Variants in RARS2 observed in about 807,000 individuals in gnomAD.
RARS2 encodes the protein arginyl-tRNA synthetase 2, mitochondrial.
RARS2 carries 67 observed loss-of-function variants against 88.5 expected under a neutral mutation model. The ratio of observed to expected loss-of-function variants is 0.76; its 90% CI spans 0.62 to 0.93. The LOEUF is 0.93. Ranked by LOEUF, RARS2 falls within the 40% of genes least tolerant of loss-of-function variation. The pLI, the probability that RARS2 is intolerant of heterozygous loss-of-function variation, is 0.00. For synonymous variants in RARS2, 239 were observed against 230.3 expected (o/e 1.04, Z -0.34); for missense variants, 664 against 684.2 (o/e 0.97, Z 0.33).
At chr6:87,585,212 T>C (rs1026043411) in intron 1 of RARS2, among the ~76,000 whole-genome samples, 9 of 152,216 alleles carry the variant, frequency 5.9e-5, no homozygotes, top group African/African-American at 2.2e-4. Context: ...TACTCAGGTA[T>C]TCATTCTTCA....
intron 8 of RARS2, 115 bp downstream of exon 8, chr6:87,541,803 A>C (rs1373582147): frequency 3.3e-5 from 26 of 782,428 alleles, no homozygotes; most frequent in Non-Finnish European, 5.0e-5. Context: ...CAGCCTGGGC[A>C]ACAGAGCGAG....
intron 10 of RARS2, among the ~76,000 whole-genome samples, chr6:87,525,226 G>A (rs772364509): frequency 2.0e-5 from 3 of 152,166 alleles, no homozygotes; most frequent in African/African-American, 4.8e-5. Flanking sequence ...TGTCTCTTAA[G>A]CAATTGGTTT....
intron 1 of RARS2, among the ~76,000 whole-genome samples, chr6:87,575,440 T>C (rs1024081439): frequency 9.2e-5 from 14 of 152,164 alleles, no homozygotes; most frequent in African/African-American, 3.4e-4. Flanking sequence ...GGAGGCTTAA[T>C]TTCCATGGTA....
At chr6:87,516,413 A>AT (rs1771757358) in intron 18 of RARS2, among the ~76,000 whole-genome samples, 1 of 152,154 alleles carries the variant, frequency 6.6e-6, no homozygotes, top group Admixed American at 6.5e-5. Context: ...TTTAAAATGT[A>AT]TTATTACGTT....
intron 5 of RARS2, among the ~76,000 whole-genome samples, chr6:87,552,913 G>A (rs989616489): frequency 5.3e-5 from 8 of 152,146 alleles, no homozygotes; most frequent in Non-Finnish European, 1.2e-4. Context: ...AATTGAAAGG[G>A]GTTTAAGAGT....
At chr6:87,563,477 A>G (rs1788493549) in intron 3 of RARS2, among the ~76,000 whole-genome samples, 1 of 152,162 alleles carries the variant, frequency 6.6e-6, no homozygotes. Flanking sequence ...CCTTTAAATA[A>G]GCATCTTTTT....
At chr6:87,553,409 A>C (rs192344210) in intron 5 of RARS2, among the ~76,000 whole-genome samples, 15 of 152,304 alleles carry the variant, frequency 9.8e-5, no homozygotes, top group African/African-American at 3.6e-4. Context: ...TAAAACACTA[A>C]TCAGAAGCTG....
intron 2 of RARS2, among the ~76,000 whole-genome samples, chr6:87,567,119 G>A (rs1768164698): frequency 6.6e-6 from 1 of 152,210 alleles, no homozygotes; most frequent in African/African-American, 2.4e-5. Context: ...GGGCATGGTG[G>A]TGTGTGCCTG....
intron 1 of RARS2, among the ~76,000 whole-genome samples, chr6:87,585,610 TA>T (rs1206159974): frequency 6.6e-6 from 1 of 152,054 alleles, no homozygotes; most frequent in Non-Finnish European, 1.5e-5. Context: ...CGGGCACCTG[TA>T]GTCCCAGCTA....
chr6:87,549,090 C>T (rs1783546529), intron 5 of RARS2, among the ~76,000 whole-genome samples: 1 of 152,034 alleles, frequency 6.6e-6, no homozygotes. Flanking sequence ...TGTGGTGGCT[C>T]ACTCCTGTAA....
chr6:87,535,925 T>C (rs1779018317), intron 8 of RARS2, among the ~76,000 whole-genome samples: 1 of 152,042 alleles, frequency 6.6e-6, no homozygotes, highest in Non-Finnish European at 1.5e-5. Context: ...GCTCAGGCAA[T>C]CCACCTGCCT....
chr6:87,576,097 G>GATAGACATTA lies in RARS2; in HGVS notation c.37-6508_37-6507insTAATGTCTAT, dbSNP rs1431779941. 1.7e-3 allele frequency among the ~76,000 whole-genome samples: 209 copies of GATAGACATTA among 120,570 alleles called. 2 individuals carry two copies. Among genetic ancestry groups the GATAGACATTA allele is most frequent in the Admixed American group, 2.1e-3 (22 of 10,662 alleles). The allele number at this position is 120,570 out of a possible 152,430, so 79.1% of individuals were successfully genotyped here. A position where few individuals can be genotyped will look rare whatever the true frequency, so the allele number is the denominator to read the frequency against. The stretch of plus-strand genomic sequence containing the variant: ...TTACAGGCGTGAGCCAATGCGCCCA[G>GATAGACATTA]CTGGATAAGTCTTCTTTAAAAATTG... On this transcript the variant is annotated intron_variant, in intron 1 of 19. Transcript: ENST00000369536.
chr6:87,566,716 C>A (rs1434118891), intron 2 of RARS2, among the ~76,000 whole-genome samples: 1 of 151,718 alleles, frequency 6.6e-6, no homozygotes, highest in East Asian at 1.9e-4. Flanking sequence ...TGTGGTGGCC[C>A]ATGCTTCTGG....
At chr6:87,547,862 A>C (rs1478575079) in intron 6 of RARS2, among the ~76,000 whole-genome samples, 1 of 151,914 alleles carries the variant, frequency 6.6e-6, no homozygotes, top group Admixed American at 6.6e-5. Flanking sequence ...CTGGTCGCGA[A>C]CTCCTGACCT....
intron 1 of RARS2, among the ~76,000 whole-genome samples, chr6:87,571,783 C>T (rs1392792082): frequency 1.3e-5 from 2 of 152,192 alleles, no homozygotes; most frequent in Non-Finnish European, 2.9e-5. Flanking sequence ...AACATATTAA[C>T]CGTAAAAACT....
intron 2 of RARS2, among the ~76,000 whole-genome samples, chr6:87,568,477 G>C (rs751749375): frequency 2.6e-4 from 40 of 152,342 alleles, no homozygotes; most frequent in Non-Finnish European, 5.3e-4. Context: ...TCCAGCTTGG[G>C]TGACAGAATG....
intron 11 of RARS2, among the ~76,000 whole-genome samples, chr6:87,522,961 T>C (rs1453818901): frequency 6.6e-6 from 1 of 152,200 alleles, no homozygotes; most frequent in African/African-American, 2.4e-5. Context: ...ATACAATATA[T>C]ACAGAGATAC....
At chr6:87,586,588 T>C (rs552563926) in intron 1 of RARS2, among the ~76,000 whole-genome samples, 3 of 152,338 alleles carry the variant, frequency 2.0e-5, no homozygotes, top group South Asian at 2.1e-4. Context: ...TCTGAGGCCA[T>C]TTCAGGGCAG....
chr6:87,520,386 A>G, intron 12 of RARS2, 130 bp from the exon 13 acceptor site: 1 of 717,172 alleles, frequency 1.4e-6, no homozygotes, highest in South Asian at 1.6e-5. Context: ...TGTTTTAACT[A>G]AACACAAAGA....
Sources: gnomAD v4.1 joint callset for allele counts (sites outside exome capture counted in the v4.1 genomes callset) on GRCh38, gnomAD v4.1.1 for gene constraint, MANE v1.5 for transcripts, NCBI Gene and HGNC (gene_info 2026-07-23, HGNC 2026-07-21) for gene names.